The following MAML3 variants were observed in gnomAD, a reference collection of about 807,000 sequenced individuals.
MAML3 encodes the protein mastermind like transcriptional coactivator 3, also known as mastermind-like protein 3.
A neutral mutation model predicts 101.9 loss-of-function variants in MAML3; 27 were observed. The ratio of observed to expected loss-of-function variants is 0.27; its 90% confidence interval spans 0.20 to 0.37. The LOEUF (loss-of-function observed/expected upper bound fraction) is 0.37, where lower values mean the gene tolerates loss of function less well. Among genes scored for constraint, MAML3 ranks in the 10% least tolerant of loss-of-function variants. MAML3 has a pLI of 1.00. For synonymous variants in MAML3, 501 were observed against 555.9 expected, an observed-to-expected ratio of 0.90 and a Z score of 1.39; for missense variants, 1,316 against 1,444.9, an observed-to-expected ratio of 0.91 and a Z score of 1.45.
chr4:140,087,919 A>G (rs975048256), intron 1 of MAML3, among the ~76,000 whole-genome samples: 1 of 152,222 alleles, frequency 6.6e-6, no homozygotes, highest in Non-Finnish European at 1.5e-5. Flanking sequence ...AGCCTTCTGA[A>G]AATGAGTAAC....
intron 1 of MAML3, among the ~76,000 whole-genome samples, chr4:140,059,245 T>C (rs764633055): frequency 6.6e-6 from 1 of 152,228 alleles, no homozygotes; most frequent in Non-Finnish European, 1.5e-5. Flanking sequence ...TTCTTACTCA[T>C]TGTAATATCC....
At chr4:139,814,557 C>T (rs1158908218) in intron 2 of MAML3, among the ~76,000 whole-genome samples, 1 of 152,144 alleles carries the variant, frequency 6.6e-6, no homozygotes, top group African/African-American at 2.4e-5. Context: ...AGATCTGTGC[C>T]CAAGCTTCTC....
intron 1 of MAML3, among the ~76,000 whole-genome samples, chr4:140,012,970 A>T (rs539143335): frequency 6.6e-6 from 1 of 152,354 alleles, no homozygotes; most frequent in African/African-American, 2.4e-5. Flanking sequence ...GTATCCACGG[A>T]AATGACCTCT....
rs778385659 is a variant in MAML3 at position 139,719,460 on chromosome 4, A to G, written c.3280T>C (p.Tyr1094His). The G allele has an allele frequency of 4.3e-6, 7 of 1,613,964 alleles. No homozygotes were observed. The highest frequency in any genetic ancestry group is 2.2e-5 in the East Asian group (1 of 44,854). ...YERNAPQDVS[Y>H]NYSGDGAGGS... ...CCAGCTCCGTCGCCACTGTAATTGT[A>G]TGACACGTCCTGAGGGGCATTCCGC... Residue 1094 changes from tyrosine (Y) to histidine (H), a missense_variant, in exon 5 of 5, where the codon TAC becomes CAC. By Grantham distance (83) the Tyr-to-His change is moderately conservative (BLOSUM62 2). Coordinates refer to ENST00000509479, the MANE Select transcript of MAML3 (RefSeq NM_018717.5).
intron 1 of MAML3, among the ~76,000 whole-genome samples, chr4:140,122,220 CTTTTTTTT>C (rs369602172): frequency 3.2e-5 from 4 of 124,614 alleles, no homozygotes; most frequent in Non-Finnish European, 6.5e-5. Context: ...TCAAACGAGA[CTTTTTTTT>C]TTTTTTTTTT....
chr4:139,845,948 T>C (rs1731438152), intron 2 of MAML3, among the ~76,000 whole-genome samples: 1 of 152,178 alleles, frequency 6.6e-6, no homozygotes, highest in African/African-American at 2.4e-5. Context: ...AACCCCTTCA[T>C]CTAGAATATA....
intron 1 of MAML3, among the ~76,000 whole-genome samples, chr4:139,908,620 T>C (rs4863704): frequency 0.04 from 6,125 of 152,352 alleles, 232 homozygotes; most frequent in Admixed American, 0.12. Context: ...CTAGTCTAGT[T>C]TGAATTACTG....
chr4:139,999,071 C>T (rs747760768), intron 1 of MAML3, among the ~76,000 whole-genome samples: 2 of 152,200 alleles, frequency 1.3e-5, no homozygotes, highest in Admixed American at 6.5e-5. Context: ...CTCATCTCTT[C>T]GATGCATGTG....
Position 140,040,132 on chromosome 4 carries a change from T to A in MAML3, c.468+112728A>T, listed in dbSNP as rs578075918. Among the ~76,000 whole-genome samples, 53 of 152,290 alleles carry A rather than the reference T, an allele frequency of 3.5e-4. 1 individual carries two copies. In the Middle Eastern group the frequency reaches 0.01, roughly 29 times the overall value. On this transcript the variant is annotated intron_variant, in intron 1 of 4. Transcript: ENST00000509479. ...TTTTTCCTTTATAGGTATTTACTTATATCTGGTCTCAGAGACACACAGGGA... is the reference window on the plus strand; with the variant it reads ...TTTTTCCTTTATAGGTATTTACTTAAATCTGGTCTCAGAGACACACAGGGA...
intron 1 of MAML3, among the ~76,000 whole-genome samples, chr4:140,001,315 G>A (rs1207603362): frequency 6.6e-6 from 1 of 152,124 alleles, no homozygotes; most frequent in East Asian, 1.9e-4. Context: ...CTTTCTTATG[G>A]GAGATGTTAT....
intron 1 of MAML3, among the ~76,000 whole-genome samples, chr4:140,096,708 A>G (rs1728169124): frequency 6.6e-6 from 1 of 152,192 alleles, no homozygotes; most frequent in Non-Finnish European, 1.5e-5. Flanking sequence ...TAGTCTTGGG[A>G]TGGCTCATGT....
At chr4:139,795,590 C>A (rs1470692787) in intron 2 of MAML3, among the ~76,000 whole-genome samples, 1 of 152,158 alleles carries the variant, frequency 6.6e-6, no homozygotes, top group Non-Finnish European at 1.5e-5. Context: ...CAAAAAGTCA[C>A]AATTTCTGGT....
At position 140,084,906 on chromosome 4, in the gene MAML3, C is replaced by T. The variant is rs1262952170; in HGVS notation, c.468+67954G>A. Among the ~76,000 whole-genome samples, 4 of 152,234 alleles carry T rather than the reference C, an allele frequency of 2.6e-5. No homozygotes were observed. In the East Asian group the frequency reaches 5.8e-4, roughly 22 times the overall value. ...CCTTTTTTTCCCCTACAATGCATCA[C>T]CCTAGTCCAATGTAACCTTAAAAAC... On this transcript the variant is annotated intron_variant, in intron 1 of 4. Transcript: ENST00000509479.
In MAML3 at chr4:139,865,496, G is replaced by GT. The variant is rs1175520994; in HGVS notation, c.2079+23860dup. On this transcript the variant is annotated intron_variant, in intron 2 of 4. Coordinates refer to ENST00000509479, the MANE Select transcript of MAML3 (RefSeq NM_018717.5). ...GACCTCTGTAAAAGGTTTTTTTTTT[G>GT]TTTTTTTTTTTTTTCATTCTCTAAC... Among the ~76,000 whole-genome samples, 293 of 122,634 alleles carry GT rather than the reference G, an allele frequency of 2.4e-3. 4 individuals are homozygous for GT. In the East Asian group the frequency reaches 0.028, roughly 12 times the overall value. The allele number at this position is 122,634 out of a possible 152,430, so 80.5% of individuals were successfully genotyped here.
At chr4:139,742,567 G>A (rs575193717) in intron 2 of MAML3, among the ~76,000 whole-genome samples, 1 of 152,334 alleles carries the variant, frequency 6.6e-6, no homozygotes, top group Non-Finnish European at 1.5e-5. Flanking sequence ...TTAATAATGA[G>A]GAAGTTAGAA....
intron 2 of MAML3, among the ~76,000 whole-genome samples, chr4:139,795,213 T>G (rs1413790839): frequency 6.6e-6 from 1 of 152,240 alleles, no homozygotes; most frequent in Non-Finnish European, 1.5e-5. Flanking sequence ...AAAAAAAGAC[T>G]AATTCGACAA....
intron 2 of MAML3, among the ~76,000 whole-genome samples, chr4:139,838,378 C>A (rs1731298659): frequency 6.6e-6 from 1 of 152,140 alleles, no homozygotes; most frequent in Admixed American, 6.5e-5. Context: ...TGATTCCCTA[C>A]CCTTGAGATA....
chr4:140,144,272 C>T (rs897022471), intron 1 of MAML3, among the ~76,000 whole-genome samples: 5 of 152,144 alleles, frequency 3.3e-5, no homozygotes, highest in Non-Finnish European at 7.4e-5. Context: ...TAAGGCCGGG[C>T]TCAGTGGCTT....
intron 2 of MAML3, among the ~76,000 whole-genome samples, chr4:139,826,622 T>C (rs1432880380): frequency 6.6e-6 from 1 of 152,170 alleles, no homozygotes; most frequent in Non-Finnish European, 1.5e-5. Context: ...ACTATCTGCA[T>C]ACGAACAGCC....
Sources: gnomAD v4.1 joint callset for allele counts (sites outside exome capture counted in the v4.1 genomes callset) on GRCh38, gnomAD v4.1.1 for gene constraint, MANE v1.5 for transcripts, NCBI Gene and HGNC (gene_info 2026-07-23, HGNC 2026-07-21) for gene names.